Variants in RANBP6 observed in about 807,000 individuals in gnomAD.
RANBP6 encodes the protein ran-binding protein 6.
In RANBP6, 10 loss-of-function variants were observed where a neutral mutation model predicts 35.3. That is an observed-to-expected ratio of 0.28 (90% confidence interval 0.17 to 0.48). The LOEUF (loss-of-function observed/expected upper bound fraction) is 0.48. RANBP6 is among the 20% of genes least tolerant of loss of function. The probability of loss-of-function intolerance (pLI) is 0.99; values close to 1 mark genes in which losing one functional copy is unlikely to be tolerated. For synonymous variants in RANBP6, 514 were observed against 464.2 expected (o/e 1.11, Z -1.38); for missense variants, 1,392 against 1,307.7 (o/e 1.06, Z -0.99).
At position 6,013,601 on chromosome 9, in the gene RANBP6, A is replaced by G; in HGVS notation, c.2007T>C (p.Asn669=). Residue 669 remains asparagine (N), a synonymous_variant, in exon 1 of 1, where the codon AAT becomes AAC. Transcript: ENST00000259569. ...MSDDDGWQFV[N]LGDQQSFGIK... ...TTCCAAAACTCTGCTGGTCTCCAAG[A>G]TTTACAAATTGCCAGCCATCATCGT... 1 of 1,614,216 alleles carries G rather than the reference A, an allele frequency of 6.2e-7. No homozygotes were observed. Among genetic ancestry groups the G allele is most frequent in the East Asian group, 2.2e-5 (1 of 44,886 alleles).
In RANBP6 at chr9:6,014,803, A is replaced by G. The variant is rs778861250; in HGVS notation, c.805T>C (p.Leu269=). ...GAGTCTCCACATAACTTCAAACTCA[A>G]CTGTAGAGTATCTTCTAAATAAGGA... ...LGPYLEDTLQ[L]SLKLCGDSRL... The change falls in exon 1 of 1, where the codon TTG becomes CTG. Residue 269 remains leucine (L), a synonymous_variant. Transcript: ENST00000259569. 57 of 1,614,202 alleles carry G rather than the reference A, an allele frequency of 3.5e-5. No homozygotes were observed. Among genetic ancestry groups the G allele is most frequent in the Non-Finnish European group, 4.6e-5 (54 of 1,180,044 alleles).
In RANBP6 at chr9:6,014,266, C is replaced by T; in HGVS notation, c.1342G>A (p.Glu448Lys). ...FAPNFQKKFHETVIAALLRTM... is the reference protein window; with the variant it reads ...FAPNFQKKFHKTVIAALLRTM... ...CGTAACAGAGCTGCAATCACTGTTT[C>T]ATGAAATTTCTTTTGGAAATTAGGT... Residue 448 changes from glutamate (E) to lysine (K), a missense_variant, in exon 1 of 1, where the codon GAA (glutamate) becomes AAA (lysine). By Grantham distance (56) the Glu-to-Lys change is moderately conservative. Transcript: ENST00000259569. 1 of 1,614,200 alleles carries T rather than the reference C, an allele frequency of 6.2e-7. No homozygotes were observed. The highest frequency in any genetic ancestry group is 1.7e-4 in the Middle Eastern group (1 of 6,056).
In RANBP6 at chr9:6,014,845, C is replaced by A; in HGVS notation, c.763G>T (p.Val255Leu). 2 of 1,614,172 alleles carry A rather than the reference C, an allele frequency of 1.2e-6. No homozygotes were observed. Among genetic ancestry groups the A allele is most frequent in the East Asian group, 2.2e-5 (1 of 44,894 alleles). The change falls in exon 1 of 1, where the codon GTA becomes TTA. Residue 255 changes from valine to leucine, a missense_variant. Physicochemically the swap from Val to Leu is conservative, Grantham distance 32. Coordinates refer to ENST00000259569, the MANE Select transcript of RANBP6 (RefSeq NM_012416.4). ...AAATAAGGACCCAAGTACTTAGGTA[C>A]GGTATCTGCAATCTCAACAAGGGAT... ...LESLVEIADT[V>L]PKYLGPYLED...
At position 6,013,579 on chromosome 9, in the gene RANBP6, C is replaced by G. The variant is rs1177858339; in HGVS notation, c.2029G>C (p.Gly677Arg). ...GCTTCAAGTCCTGAAGTTTTAATTC[C>G]AAAACTCTGCTGGTCTCCAAGATTT... ...FVNLGDQQSFGIKTSGLEAKA... is the reference protein window; with the variant it reads ...FVNLGDQQSFRIKTSGLEAKA... The change falls in exon 1 of 1, where the codon GGA (glycine) becomes CGA (arginine). Residue 677 changes from glycine to arginine, a missense_variant. Gly to Arg is a moderately radical substitution (Grantham distance 125). Coordinates refer to ENST00000259569, the MANE Select transcript of RANBP6 (RefSeq NM_012416.4). 2 of 1,614,172 alleles carry G rather than the reference C, an allele frequency of 1.2e-6. No individual in the cohort carries two copies. Among genetic ancestry groups the G allele is most frequent in the Non-Finnish European group, 8.5e-7 (1 of 1,180,036 alleles).
Position 6,014,497 on chromosome 9 carries a change from T to C in RANBP6, c.1111A>G (p.Ile371Val). 6.2e-7 allele frequency: 1 copy of C among 1,614,224 alleles called. No homozygotes were observed. Among genetic ancestry groups the C allele is most frequent in the Non-Finnish European group, 8.5e-7 (1 of 1,180,038 alleles). Residue 371 changes from isoleucine (I) to valine (V), a missense_variant, in exon 1 of 1, where the codon ATC becomes GTC. Ile to Val is a conservative substitution (Grantham distance 29). Coordinates refer to ENST00000259569, the MANE Select transcript of RANBP6 (RefSeq NM_012416.4). ...TCAGGGCTCTGAAGCATCTGCATGA[T>C]ATGCTCCTTGGTCATTGGTAAAACA... is the stretch of plus-strand genomic sequence containing the variant. ...KVVLPMTKEH[I>V]MQMLQSPDWK...
rs537049977 is a variant in RANBP6, at chr9:6,014,016, A to G, written c.1592T>C (p.Ile531Thr). Reference protein sequence around the residue: ...VTTIASVADTIEEKFVPYYDI... With the variant: ...VTTIASVADTTEEKFVPYYDI... Reference sequence around the variant, plus strand: ...ATAATATGGGACAAATTTTTCTTCTATTGTATCTGCAACTGATGCAATGGT... The same window carrying G: ...ATAATATGGGACAAATTTTTCTTCTGTTGTATCTGCAACTGATGCAATGGT... The change falls in exon 1 of 1, where the codon ATA becomes ACA. Residue 531 changes from isoleucine (I) to threonine (T), a missense_variant. By Grantham distance (89) the Ile-to-Thr change is moderately conservative (BLOSUM62 -1). Coordinates refer to ENST00000259569, the MANE Select transcript of RANBP6 (RefSeq NM_012416.4). The G allele has an allele frequency of 3.4e-5, 55 of 1,613,752 alleles. No homozygotes were observed. The highest frequency in any genetic ancestry group is 6.7e-5 in the Admixed American group (4 of 59,994).
Position 6,015,616 on chromosome 9 carries a change from G to A in RANBP6, c.-9C>T. 1 of 1,577,382 alleles carries A rather than the reference G, an allele frequency of 6.3e-7. No individual in the cohort carries two copies. The highest frequency in any genetic ancestry group is 8.6e-7 in the Non-Finnish European group (1 of 1,168,572). ...GACGCGGTTGCCGCCATTGCGCTCT[G>A]TCAAAGCTACCGCGACCGGGAAGGA... On this transcript the variant is annotated 5_prime_UTR_variant, in exon 1 of 1. Coordinates refer to ENST00000259569, the MANE Select transcript of RANBP6 (RefSeq NM_012416.4).
In RANBP6 at chr9:6,015,298, C is replaced by A. The variant is rs1463103206; in HGVS notation, c.310G>T (p.Ala104Ser). Reference sequence around the variant, plus strand: ...CTAGCATGTGTTTCTAACTTAACAGCCAGAATCAGTTCAATCTTGACATCT... The same window carrying A: ...CTAGCATGTGTTTCTAACTTAACAGACAGAATCAGTTCAATCTTGACATCT... ...QRDVKIELIL[A>S]VKLETHASMR... is the part of the protein sequence containing the mutation. Residue 104 changes from alanine (A) to serine (S), a missense_variant, in exon 1 of 1, where the codon GCT becomes TCT. Coordinates refer to ENST00000259569, the MANE Select transcript of RANBP6 (RefSeq NM_012416.4). 2 of 1,614,088 alleles carry A rather than the reference C, an allele frequency of 1.2e-6. No individual in the cohort carries two copies. The highest frequency in any genetic ancestry group is 2.7e-5 in the African/African-American group (2 of 74,924).
At position 6,015,080 on chromosome 9, in the gene RANBP6, A is replaced by T. The variant is rs1842550255; in HGVS notation, c.528T>A (p.His176Gln). 6.8e-6 allele frequency: 11 copies of T among 1,614,176 alleles called. No homozygotes were observed. The highest frequency in any genetic ancestry group is 9.3e-6 in the Non-Finnish European group (11 of 1,180,046). Reference protein sequence around the residue: ...FPGIFGTQERHDLDIIKRLLD... With the variant: ...FPGIFGTQERQDLDIIKRLLD... ...ACAACCGTTTGATGATATCCAAATCATGCCGCTCTTGGGTCCCAAAAATCC... is the reference window on the plus strand; with the variant it reads ...ACAACCGTTTGATGATATCCAAATCTTGCCGCTCTTGGGTCCCAAAAATCC... The change falls in exon 1 of 1, where the codon CAT becomes CAA. Residue 176 changes from histidine (H) to glutamine (Q), a missense_variant. Coordinates refer to ENST00000259569, the MANE Select transcript of RANBP6 (RefSeq NM_012416.4).
At position 6,012,351 on chromosome 9, in the gene RANBP6, C is replaced by G; in HGVS notation, c.3257G>C (p.Cys1086Ser). The G allele has an allele frequency of 6.2e-7, 1 of 1,609,080 alleles. No homozygotes were observed. Among genetic ancestry groups the G allele is most frequent in the South Asian group, 1.1e-5 (1 of 89,616 alleles). ...CTGTTCATCATCAAGTTGTGATACA[C>G]ATTCCAACCATAAATCTTCAGAAGT... is the stretch of plus-strand genomic sequence containing the variant. ...VQTSEDLWLE[C>S]VSQLDDEQQE... Residue 1086 changes from cysteine to serine, a missense_variant, in exon 1 of 1, where the codon TGT becomes TCT. Transcript: ENST00000259569.
At position 6,013,765 on chromosome 9, in the gene RANBP6, C is replaced by A; in HGVS notation, c.1843G>T (p.Ala615Ser). 6.2e-7 allele frequency: 1 copy of A among 1,613,876 alleles called. No individual in the cohort carries two copies. The highest frequency in any genetic ancestry group is 1.1e-5 in the South Asian group (1 of 91,082). ...AGAATTTTACACATTCTAGCCCATGCTGAAACCATGTAAGAGGTCTGAGGG... is the reference window on the plus strand; with the variant it reads ...AGAATTTTACACATTCTAGCCCATGATGAAACCATGTAAGAGGTCTGAGGG... ...DDPQTSYMVSAWARMCKILGK... is the reference protein window; with the variant it reads ...DDPQTSYMVSSWARMCKILGK... The change falls in exon 1 of 1, where the codon GCA (alanine) becomes TCA (serine). Residue 615 changes from alanine (A) to serine (S), a missense_variant. Physicochemically the swap from Ala to Ser is moderately conservative, Grantham distance 99. Coordinates refer to ENST00000259569, the MANE Select transcript of RANBP6 (RefSeq NM_012416.4).
Position 6,015,078 on chromosome 9 carries a change from T to A in RANBP6, c.530A>T (p.Asp177Val). ...CAACAACCGTTTGATGATATCCAAA[T>A]CATGCCGCTCTTGGGTCCCAAAAAT... Reference protein sequence around the residue: ...PGIFGTQERHDLDIIKRLLDQ... With the variant: ...PGIFGTQERHVLDIIKRLLDQ... The change falls in exon 1 of 1, where the codon GAT becomes GTT. Residue 177 changes from aspartate (D) to valine (V), a missense_variant. Asp to Val is a radical substitution (Grantham distance 152). Coordinates refer to ENST00000259569, the MANE Select transcript of RANBP6 (RefSeq NM_012416.4). 1.2e-6 allele frequency: 2 copies of A among 1,614,170 alleles called. No homozygotes were observed. The highest frequency in any genetic ancestry group is 1.7e-6 in the Non-Finnish European group (2 of 1,180,028).
Position 6,012,209 on chromosome 9 carries a change from TG to T in RANBP6, c.*80del. The stretch of plus-strand genomic sequence containing the variant: ...GCTTAGCAGGGAGAAAACAGTTCTC[TG>T]ATTTATAATAAAATCTATTCACAAC... On this transcript the variant is annotated 3_prime_UTR_variant, in exon 1 of 1. Transcript: ENST00000259569. 1 of 1,100,946 alleles carries T rather than the reference TG, an allele frequency of 9.1e-7. No individual in the cohort carries two copies. Among genetic ancestry groups the T allele is most frequent in the Non-Finnish European group, 1.3e-6 (1 of 798,018 alleles). 68.2% of individuals were successfully genotyped at this position (1,100,946 alleles called of 1,614,324 possible).
At position 6,014,356 on chromosome 9, in the gene RANBP6, C is replaced by G. The variant is rs1311226063; in HGVS notation, c.1252G>C (p.Asp418His). The stretch of plus-strand genomic sequence containing the variant: ...GCAGCCCTCACCCTTGGATGAGGAT[C>G]CTGAAGAAAAAGCAAAACGGAGTTA... ...TVNSVLLFLQ[D>H]PHPRVRAAAC... Residue 418 changes from aspartate to histidine, a missense_variant, in exon 1 of 1, where the codon GAT becomes CAT. Transcript: ENST00000259569. The G allele has an allele frequency of 6.2e-7, 1 of 1,613,578 alleles. No individual in the cohort carries two copies. Among genetic ancestry groups the G allele is most frequent in the Non-Finnish European group, 8.5e-7 (1 of 1,179,632 alleles).
In RANBP6 at chr9:6,014,964, T is replaced by G. The variant is rs1384246057; in HGVS notation, c.644A>C (p.Asn215Thr). 6.2e-7 allele frequency: 1 copy of G among 1,614,218 alleles called. No individual in the cohort carries two copies. The highest frequency in any genetic ancestry group is 1.1e-5 in the South Asian group (1 of 91,082). ...AAAFVLANENNIALFKDFADL... is the reference protein window; with the variant it reads ...AAAFVLANENTIALFKDFADL... ...TGCAAAGTCTTTGAAAAGAGCAATA[T>G]TATTCTCATTAGCAAGTACAAATGC... Residue 215 changes from asparagine to threonine, a missense_variant, in exon 1 of 1, where the codon AAT (asparagine) becomes ACT (threonine). Coordinates refer to ENST00000259569, the MANE Select transcript of RANBP6 (RefSeq NM_012416.4).
chr9:6,013,854 G>C lies in RANBP6; in HGVS notation c.1754C>G (p.Ala585Gly). Residue 585 changes from alanine to glycine, a missense_variant, in exon 1 of 1, where the codon GCA (alanine) becomes GGA (glycine). By Grantham distance (60) the Ala-to-Gly change is moderately conservative. Transcript: ENST00000259569. ...AVGKEKFMQDASNVMQLLLKT... is the reference protein window; with the variant it reads ...AVGKEKFMQDGSNVMQLLLKT... ...CAACAACAGCTGCATCACATTTGAT[G>C]CATCTTGCATAAATTTTTCCTTCCC... 4 of 1,613,898 alleles carry C rather than the reference G, an allele frequency of 2.5e-6. No homozygotes were observed. Among genetic ancestry groups the C allele is most frequent in the Non-Finnish European group, 3.4e-6 (4 of 1,179,952 alleles).
chr9:6,015,337 C>T lies in RANBP6; in HGVS notation c.271G>A (p.Ala91Thr). The T allele has an allele frequency of 1.9e-6, 3 of 1,614,242 alleles. No individual in the cohort carries two copies. Among genetic ancestry groups the T allele is most frequent in the Non-Finnish European group, 2.5e-6 (3 of 1,180,054 alleles). ...ATCTTGACATCTCTCTGAACATCAG[C>T]AGGCAGATTTGGATAAACCTCCTCA... Reference protein sequence around the residue: ...GFEEVYPNLPADVQRDVKIEL... With the variant: ...GFEEVYPNLPTDVQRDVKIEL... The change falls in exon 1 of 1, where the codon GCT becomes ACT. Residue 91 changes from alanine to threonine, a missense_variant. Transcript: ENST00000259569.
In RANBP6 at chr9:6,013,258, A is replaced by T; in HGVS notation, c.2350T>A (p.Ser784Thr). ...LSEIMNSFAK[S>T]IEVMGDGCLN... Reference sequence around the variant, plus strand: ...CAACCATCTCCCATAACTTCAATGGACTTTGCAAAAGAATTCATTATTTCT... The same window carrying T: ...CAACCATCTCCCATAACTTCAATGGTCTTTGCAAAAGAATTCATTATTTCT... The change falls in exon 1 of 1, where the codon TCC becomes ACC. Residue 784 changes from serine to threonine, a missense_variant. Physicochemically the swap from Ser to Thr is moderately conservative, Grantham distance 58 (BLOSUM62 1). Coordinates refer to ENST00000259569, the MANE Select transcript of RANBP6 (RefSeq NM_012416.4). 6.2e-7 allele frequency: 1 copy of T among 1,614,174 alleles called. No homozygotes were observed. The highest frequency in any genetic ancestry group is 8.5e-7 in the Non-Finnish European group (1 of 1,180,028).
Position 6,013,855 on chromosome 9 carries a change from C to T in RANBP6, c.1753G>A (p.Ala585Thr). The change falls in exon 1 of 1, where the codon GCA becomes ACA. Residue 585 changes from alanine (A) to threonine (T), a missense_variant. Physicochemically the swap from Ala to Thr is moderately conservative, Grantham distance 58. Transcript: ENST00000259569. The part of the protein sequence containing the change: ...AVGKEKFMQD[A>T]SNVMQLLLKT... ...AACAACAGCTGCATCACATTTGATG[C>T]ATCTTGCATAAATTTTTCCTTCCCA... 2 of 1,613,876 alleles carry T rather than the reference C, an allele frequency of 1.2e-6. No individual in the cohort carries two copies. The highest frequency in any genetic ancestry group is 1.7e-6 in the Non-Finnish European group (2 of 1,179,926).
Sources: allele counts gnomAD v4.1 joint callset, GRCh38; gene constraint gnomAD v4.1.1; transcripts MANE v1.5; gene names NCBI Gene and HGNC (gene_info 2026-07-23, HGNC 2026-07-21).